CNTNAP2: variants seen among roughly 807,000 people sequenced by gnomAD.
CNTNAP2 encodes the protein contactin-associated protein-like 2.
In CNTNAP2, 98 loss-of-function variants were observed where a neutral mutation model predicts 155.2. That is an observed-to-expected ratio of 0.63 (90% CI 0.54 to 0.75). CNTNAP2 has a LOEUF of 0.75. Among genes scored for constraint, CNTNAP2 ranks in the 30% least tolerant of loss-of-function variants. The pLI, the probability that CNTNAP2 is intolerant of heterozygous loss-of-function variation, is 0.00. For synonymous variants in CNTNAP2, 651 were observed against 631.2 expected, an observed-to-expected ratio of 1.03 and a Z score of -0.47; for missense variants, 1,727 against 1,688.1, an observed-to-expected ratio of 1.02 and a Z score of -0.40.
intron 1 of CNTNAP2, among the ~76,000 whole-genome samples, chr7:146,717,122 C>G (rs948649909): frequency 1.3e-5 from 2 of 152,074 alleles, no homozygotes; most frequent in Non-Finnish European, 2.9e-5. Context: ...GGTGAAAGAT[C>G]CTTATGCCTG....
At chr7:146,156,975 A>C in intron 1 of CNTNAP2, among the ~76,000 whole-genome samples, 1 of 152,198 alleles carries the variant, frequency 6.6e-6, no homozygotes, top group East Asian at 1.9e-4. Context: ...TGCAGAGTTT[A>C]AATCCAGCAA....
At chr7:146,786,003 A>C (rs1192884698) in intron 2 of CNTNAP2, among the ~76,000 whole-genome samples, 1 of 152,166 alleles carries the variant, frequency 6.6e-6, no homozygotes. Context: ...AATGAAGGCC[A>C]GGAAAGAATA....
At chr7:147,054,118 G>A (rs1220177526) in intron 4 of CNTNAP2, among the ~76,000 whole-genome samples, 6 of 152,014 alleles carry the variant, frequency 3.9e-5, no homozygotes, top group Admixed American at 2.0e-4. Flanking sequence ...TTCTTCACCC[G>A]TAAGGGCTTT....
intron 1 of CNTNAP2, among the ~76,000 whole-genome samples, chr7:146,654,366 C>A (rs1026367376): frequency 5.9e-5 from 9 of 151,990 alleles, no homozygotes; most frequent in Non-Finnish European, 1.2e-4. Context: ...CCCTAGTCTG[C>A]ATCATTATAT....
chr7:146,309,833 G>T (rs1255321245), intron 1 of CNTNAP2, among the ~76,000 whole-genome samples: 1 of 140,602 alleles, frequency 7.1e-6, no homozygotes, highest in Non-Finnish European at 1.5e-5. Context: ...GAAAGGAAAG[G>T]AAGGAAGGAA....
At chr7:147,067,250 C>A (rs1799798571) in intron 4 of CNTNAP2, among the ~76,000 whole-genome samples, 1 of 139,852 alleles carries the variant, frequency 7.2e-6, no homozygotes, top group African/African-American at 2.8e-5. Context: ...AAGGTCACGC[C>A]AATGCACTCC....
chr7:147,204,747 G>T lies in CNTNAP2; in HGVS notation c.1348+72238G>T, dbSNP rs1007668977. ...AATGAATAAATATTAGGGGAAACTG[G>T]GTGCAGAGTATATGTAAATCTAAAA... On this transcript the variant is annotated intron_variant, in intron 8 of 23. Coordinates refer to ENST00000361727, the MANE Select transcript of CNTNAP2 (RefSeq NM_014141.6). Among the ~76,000 whole-genome samples, 6 of 151,944 alleles carry T rather than the reference G, an allele frequency of 3.9e-5. No individual in the cohort carries two copies. In the South Asian group the frequency reaches 6.3e-4, roughly 16 times the overall value.
intron 1 of CNTNAP2, among the ~76,000 whole-genome samples, chr7:146,257,383 C>T (rs1017192476): frequency 6.6e-6 from 1 of 152,150 alleles, no homozygotes; most frequent in Non-Finnish European, 1.5e-5. Flanking sequence ...CTCTGTTTCC[C>T]TTTCTGTGTC....
intron 1 of CNTNAP2, among the ~76,000 whole-genome samples, chr7:146,773,544 C>T (rs1425341234): frequency 1.3e-5 from 2 of 152,128 alleles, no homozygotes; most frequent in African/African-American, 4.8e-5. Context: ...CACAGGCATG[C>T]ACCACCATGA....
intron 20 of CNTNAP2, among the ~76,000 whole-genome samples, chr7:148,263,913 A>G (rs989313310): frequency 1.3e-5 from 2 of 152,206 alleles, no homozygotes. Flanking sequence ...CCAAAAAGCC[A>G]AGGCCGTCTA....
chr7:147,434,057 G>C (rs906139100), intron 10 of CNTNAP2, among the ~76,000 whole-genome samples: 1 of 152,176 alleles, frequency 6.6e-6, no homozygotes, highest in African/African-American at 2.4e-5. Context: ...AAGGAGCTTT[G>C]TTGAGGCTTA....
intron 21 of CNTNAP2, among the ~76,000 whole-genome samples, chr7:148,304,794 C>T (rs1288684776): frequency 6.6e-6 from 1 of 152,198 alleles, no homozygotes; most frequent in Non-Finnish European, 1.5e-5. Flanking sequence ...CAACTCTCCT[C>T]CATGGCCTCC....
intron 15 of CNTNAP2, among the ~76,000 whole-genome samples, chr7:148,106,249 C>A (rs1804214345): frequency 6.6e-6 from 1 of 152,012 alleles, no homozygotes; most frequent in Non-Finnish European, 1.5e-5. Flanking sequence ...GAGTTTAAGG[C>A]TAAAATAGGC....
At chr7:146,989,393 AG>A (rs1301941416) in intron 3 of CNTNAP2, among the ~76,000 whole-genome samples, 1 of 152,104 alleles carries the variant, frequency 6.6e-6, no homozygotes, top group Non-Finnish European at 1.5e-5. Flanking sequence ...AGGTTGCCCC[AG>A]GAAACAAGTA....
At chr7:147,875,339 G>T (rs1799404933) in intron 13 of CNTNAP2, among the ~76,000 whole-genome samples, 1 of 152,122 alleles carries the variant, frequency 6.6e-6, no homozygotes, top group Admixed American at 6.6e-5. Flanking sequence ...TGTCTTTCCG[G>T]GCAGGCAAGA....
At chr7:148,316,411 G>A (rs752844153) in intron 21 of CNTNAP2, among the ~76,000 whole-genome samples, 1 of 151,990 alleles carries the variant, frequency 6.6e-6, no homozygotes, top group Non-Finnish European at 1.5e-5. Flanking sequence ...CAGATTCAGA[G>A]CATGACCATC....
intron 14 of CNTNAP2, among the ~76,000 whole-genome samples, chr7:147,954,193 T>A (rs1410985014): frequency 6.6e-6 from 1 of 152,120 alleles, no homozygotes; most frequent in Non-Finnish European, 1.5e-5. Context: ...TTTAATACAT[T>A]CTGCTTTGCA....
chr7:147,661,673 C>A lies in CNTNAP2; in HGVS notation c.2098+22367C>A, dbSNP rs146198941. On this transcript the variant is annotated intron_variant, in intron 13 of 23. Coordinates refer to ENST00000361727, the MANE Select transcript of CNTNAP2 (RefSeq NM_014141.6). ...GTTCAAGTGAGTCTCCTGCCACAGC[C>A]TCCTAAGTAGCTGGGATTACAGGTG... Among the ~76,000 whole-genome samples, 903 of 152,014 alleles carry A rather than the reference C, an allele frequency of 5.9e-3. 13 individuals are homozygous for A. Among genetic ancestry groups the A allele is most frequent in the African/African-American group, 0.021 (862 of 41,438 alleles).
chr7:146,675,515 G>C (rs763016536), intron 1 of CNTNAP2, among the ~76,000 whole-genome samples: 1 of 152,064 alleles, frequency 6.6e-6, no homozygotes, highest in Non-Finnish European at 1.5e-5. Context: ...AAGGCTTTTT[G>C]CTGTTTGGTT....
Sources: allele counts gnomAD v4.1 joint callset (sites outside exome capture counted in the v4.1 genomes callset), GRCh38; gene constraint gnomAD v4.1.1; transcripts MANE v1.5; gene names NCBI Gene and HGNC (gene_info 2026-07-23, HGNC 2026-07-21).